The following ERO1B variants were observed in gnomAD, a reference collection of about 807,000 sequenced individuals.
ERO1B encodes the protein ERO1-like protein beta.
In ERO1B, 49 loss-of-function variants were observed where a neutral mutation model predicts 75.3. That is an observed-to-expected ratio of 0.65 (90% CI 0.52 to 0.83). The LOEUF (loss-of-function observed/expected upper bound fraction) is 0.83, where lower values mean the gene tolerates loss of function less well. Ranked by LOEUF, ERO1B falls within the 40% of genes least tolerant of loss-of-function variation. The probability of loss-of-function intolerance (pLI) is 0.00; values close to 1 mark genes in which losing one functional copy is unlikely to be tolerated. For synonymous variants in ERO1B, 191 were observed against 192.9 expected (o/e 0.99, Z 0.08); for missense variants, 512 against 560.1 (o/e 0.91, Z 0.87).
At chr1:236,278,687 T>C (rs1665759961) in intron 1 of ERO1B, among the ~76,000 whole-genome samples, 1 of 152,204 alleles carries the variant, frequency 6.6e-6, no homozygotes. Flanking sequence ...AAATTACTTT[T>C]TAAAGGAAGA....
intron 2 of ERO1B, among the ~76,000 whole-genome samples, chr1:236,265,580 A>G (rs2812472): frequency 0.99 from 150,818 of 152,308 alleles, 74,695 homozygotes; most frequent in Middle Eastern, 1. Context: ...CTGAACTAAC[A>G]CAAGAGTCTC....
At chr1:236,257,874 T>C (rs1665196970) in intron 2 of ERO1B, among the ~76,000 whole-genome samples, 1 of 142,954 alleles carries the variant, frequency 7.0e-6, no homozygotes, top group African/African-American at 2.6e-5. Context: ...TCATCCAATC[T>C]GAGGAACAAA....
At chr1:236,273,117 T>C (rs931625129) in intron 1 of ERO1B, among the ~76,000 whole-genome samples, 7 of 152,184 alleles carry the variant, frequency 4.6e-5, no homozygotes, top group Admixed American at 1.3e-4. Flanking sequence ...AGGGGTATAC[T>C]GGATTATTCA....
intron 1 of ERO1B, among the ~76,000 whole-genome samples, chr1:236,275,536 G>A (rs1240301491): frequency 2.6e-5 from 4 of 152,132 alleles, no homozygotes; most frequent in African/African-American, 7.2e-5. Context: ...TCCCCAACCC[G>A]GAAGCTCATC....
At chr1:236,250,863 G>T (rs10924864) in intron 4 of ERO1B, among the ~76,000 whole-genome samples, 7,865 of 151,762 alleles carry the variant, frequency 0.052, 569 homozygotes, top group East Asian at 0.39. Flanking sequence ...AAATTATTTG[G>T]TATTATTTCT....
chr1:236,268,096 T>C (rs767557355), intron 2 of ERO1B: 7 of 152,242 alleles, frequency 4.6e-5, no homozygotes, highest in Admixed American at 2.0e-4. Flanking sequence ...TCCTAAAGGA[T>C]TTTGTACAGA....
chr1:236,228,473 C>T (rs1312934440), intron 10 of ERO1B, among the ~76,000 whole-genome samples: 1 of 152,208 alleles, frequency 6.6e-6, no homozygotes, highest in Non-Finnish European at 1.5e-5. Context: ...CAAAAGCCTT[C>T]TCAATCTCAC....
intron 2 of ERO1B, among the ~76,000 whole-genome samples, chr1:236,268,447 A>AG (rs1665505105): frequency 6.6e-6 from 1 of 151,982 alleles, no homozygotes. Flanking sequence ...CTAAAAAAAA[A>AG]CAAAAAAAAA....
In ERO1B at chr1:236,279,504, CA is replaced by C. The variant is rs57596875; in HGVS notation, c.102+2177del. 5.1e-5 allele frequency among the ~76,000 whole-genome samples: 4 copies of C among 78,526 alleles called. No individual in the cohort carries two copies. In the Admixed American group the frequency reaches 5.3e-4, roughly 10 times the overall value. The allele number at this position is 78,526 out of a possible 152,430, so 51.5% of individuals were successfully genotyped here. On this transcript the variant is annotated intron_variant, in intron 1 of 15. Transcript: ENST00000354619. ...GGTGACACAGAGCGAGACTCCATCT[CA>C]AAAAAAAAAAAAAAACAGCACAGTA...
Position 236,243,584 on chromosome 1 carries a change from T to C in ERO1B, c.432-89A>G, listed in dbSNP as rs540683709. On this transcript the variant is annotated intron_variant, in intron 5 of 15. Transcript: ENST00000354619. ...ATTCTAGTGTAATTAAAATAGATAA[T>C]CTGAGGTCAGTTAAAGATTAGATGA... 4 of 814,734 alleles carry C rather than the reference T, an allele frequency of 4.9e-6. No homozygotes were observed. In the South Asian group the frequency reaches 8.5e-5, roughly 17 times the overall value. The allele number at this position is 814,734 out of a possible 1,614,324, so 50.5% of individuals were successfully genotyped here.
rs1316765855 is a variant in ERO1B at position 236,281,921 on chromosome 1, G to A, written c.-138C>T. ...CAGAGGTCTGCACTCCAGTCCGGAG[G>A]CAGGCGACTCTTTCCCCAACACCCG... On this transcript the variant is annotated 5_prime_UTR_variant, in exon 1 of 16. Coordinates refer to ENST00000354619, the MANE Select transcript of ERO1B (RefSeq NM_019891.4). The A allele has an allele frequency of 6.3e-6, 3 of 475,404 alleles. No individual in the cohort carries two copies. The highest frequency in any genetic ancestry group is 1.0e-5 in the Non-Finnish European group (3 of 295,542). The allele number at this position is 475,404 out of a possible 1,614,324, so 29.4% of individuals were successfully genotyped here. A position where few individuals can be genotyped will look rare whatever the true frequency, so the allele number is the denominator to read the frequency against.
In ERO1B at chr1:236,217,722, A is replaced by G. The variant is rs1409276432; in HGVS notation, c.*794T>C. ...CAATTTCCAAAATGTCTTTGTCCCT[A>G]AAATTTCTAGGGGCAGAGAAAAGCA... On this transcript the variant is annotated 3_prime_UTR_variant, in exon 16 of 16. Coordinates refer to ENST00000354619, the MANE Select transcript of ERO1B (RefSeq NM_019891.4). The G allele has an allele frequency of 6.6e-6, 1 of 152,458 alleles. No homozygotes were observed. Among genetic ancestry groups the G allele is most frequent in the African/African-American group, 2.4e-5 (1 of 41,450 alleles). 9.4% of individuals were successfully genotyped at this position (152,458 alleles called of 1,614,324 possible). A position where few individuals can be genotyped will look rare whatever the true frequency, so the allele number is the denominator to read the frequency against.
intron 4 of ERO1B, among the ~76,000 whole-genome samples, chr1:236,250,287 T>C (rs961049948): frequency 2.0e-5 from 3 of 151,882 alleles, no homozygotes; most frequent in Non-Finnish European, 4.4e-5. Context: ...CTGGTCAACA[T>C]GGTGAAACCC....
At chr1:236,268,323 C>T (rs1429641973) in intron 2 of ERO1B, among the ~76,000 whole-genome samples, 1 of 152,010 alleles carries the variant, frequency 6.6e-6, no homozygotes, top group Non-Finnish European at 1.5e-5. Flanking sequence ...GCCTGTAATC[C>T]CAGCTACTCG....
chr1:236,231,628 ATGT>A (rs1664410337), intron 9 of ERO1B, among the ~76,000 whole-genome samples: 1 of 150,128 alleles, frequency 6.7e-6, no homozygotes, highest in African/African-American at 2.5e-5. Flanking sequence ...CCTATCCTTG[ATGT>A]TGTTTTTTTT....
chr1:236,242,873 G>C (rs186739782), intron 6 of ERO1B, among the ~76,000 whole-genome samples: 103 of 152,292 alleles, frequency 6.8e-4, no homozygotes, highest in African/African-American at 2.4e-3. Context: ...AGAGTGTCCA[G>C]TCTTTCTACC....
In ERO1B at chr1:236,234,973, T is replaced by C. The variant is rs114847307; in HGVS notation, c.673+816A>G. Among the ~76,000 whole-genome samples the C allele has an allele frequency of 5.2e-3, 792 of 152,316 alleles. 11 individuals carry two copies. Among genetic ancestry groups the C allele is most frequent in the African/African-American group, 0.017 (701 of 41,556 alleles). ...TTAAAATTCAAAAGTATACACACAC[T>C]ACAACAAAAATATGTTACATGACGC... is the stretch of plus-strand genomic sequence containing the variant. On this transcript the variant is annotated intron_variant, in intron 8 of 15. Transcript: ENST00000354619.
chr1:236,219,901 G>A (rs910935416), intron 15 of ERO1B, among the ~76,000 whole-genome samples: 1 of 151,744 alleles, frequency 6.6e-6, no homozygotes, highest in Non-Finnish European at 1.5e-5. Flanking sequence ...GCATGTGTCC[G>A]TAGTCCCAGC....
chr1:236,268,722 T>TA (rs1292108956), intron 2 of ERO1B, among the ~76,000 whole-genome samples: 1 of 151,124 alleles, frequency 6.6e-6, no homozygotes, highest in Non-Finnish European at 1.5e-5. Flanking sequence ...CCGTCTCTAC[T>TA]AAAAATACAA....
Sources: allele counts gnomAD v4.1 joint callset (sites outside exome capture counted in the v4.1 genomes callset), GRCh38; gene constraint gnomAD v4.1.1; transcripts MANE v1.5; gene names NCBI Gene and HGNC (gene_info 2026-07-23, HGNC 2026-07-21).